The following ALK variants were observed in gnomAD, a reference collection of about 807,000 sequenced individuals.
ALK encodes ALK receptor tyrosine kinase.
ALK carries 74 observed loss-of-function variants against 163.1 expected under a neutral mutation model. That is an observed-to-expected ratio of 0.45 (90% CI 0.38 to 0.55). ALK has a LOEUF of 0.55. ALK is among the 20% of genes least tolerant of loss of function. ALK has a pLI of 0.00. For missense variants in ALK, 2,063 were observed against 2,105.3 expected, an observed-to-expected ratio of 0.98 and a Z score of 0.39; for synonymous variants, 960 against 843.2, an observed-to-expected ratio of 1.14 and a Z score of -2.40.
intron 1 of ALK, among the ~76,000 whole-genome samples, chr2:29,874,891 T>C (rs1288244534): frequency 6.6e-6 from 1 of 152,200 alleles, no homozygotes; most frequent in Non-Finnish European, 1.5e-5. Flanking sequence ...TCCCTACCTG[T>C]ACTCAGCTCT....
At chr2:29,875,707 C>T (rs1282864507) in intron 1 of ALK, among the ~76,000 whole-genome samples, 2 of 152,142 alleles carry the variant, frequency 1.3e-5, no homozygotes, top group Non-Finnish European at 2.9e-5. Flanking sequence ...GCTGTGTTAG[C>T]TTGCTGAGAA....
intron 4 of ALK, among the ~76,000 whole-genome samples, chr2:29,445,107 G>A (rs543091670): frequency 1.3e-5 from 2 of 152,294 alleles, no homozygotes; most frequent in East Asian, 1.9e-4. Context: ...AGCCTCTGCT[G>A]AAAAGGTCCT....
chr2:29,281,631 T>C (rs1253210910), intron 9 of ALK, among the ~76,000 whole-genome samples: 1 of 152,192 alleles, frequency 6.6e-6, no homozygotes, highest in Admixed American at 6.5e-5. Flanking sequence ...CTAGAGATCT[T>C]GGTTGGAGGC....
At chr2:29,491,520 A>G (rs191025271) in intron 4 of ALK, among the ~76,000 whole-genome samples, 59 of 152,328 alleles carry the variant, frequency 3.9e-4, no homozygotes, top group Non-Finnish European at 4.4e-4. Flanking sequence ...TCCCTGATCT[A>G]CTAGACCTGA....
chr2:29,897,353 T>A (rs1388426359), intron 1 of ALK, among the ~76,000 whole-genome samples: 2 of 151,630 alleles, frequency 1.3e-5, no homozygotes, highest in African/African-American at 2.4e-5. Flanking sequence ...AAAAATTAAT[T>A]AATAAATAAA....
Position 29,509,773 on chromosome 2 carries a change from A to G in ALK, c.1154+22142T>C, listed in dbSNP as rs1471101774. Among the ~76,000 whole-genome samples the G allele has an allele frequency of 4.6e-5, 7 of 152,230 alleles. No homozygotes were observed. In the East Asian group the frequency reaches 1.2e-3, roughly 25 times the overall value. ...CCTTTTAGATATGCAATTATAGTGCAGACTTTGGGGACACTGGAGAACCAG... is the reference window on the plus strand; with the variant it reads ...CCTTTTAGATATGCAATTATAGTGCGGACTTTGGGGACACTGGAGAACCAG... On this transcript the variant is annotated intron_variant, in intron 4 of 28. Transcript: ENST00000389048.
intron 1 of ALK, among the ~76,000 whole-genome samples, chr2:29,834,449 T>A (rs1665504425): frequency 6.6e-6 from 1 of 152,162 alleles, no homozygotes; most frequent in African/African-American, 2.4e-5. Context: ...CTAGGGGAAG[T>A]ACCAACTCTA....
intron 1 of ALK, among the ~76,000 whole-genome samples, chr2:29,798,263 A>G (rs1259076234): frequency 6.6e-6 from 1 of 152,226 alleles, no homozygotes; most frequent in Non-Finnish European, 1.5e-5. Flanking sequence ...ATGCTTTATT[A>G]TTAAATTGGT....
At chr2:29,316,898 C>T (rs1030080114) in intron 8 of ALK, among the ~76,000 whole-genome samples, 3 of 152,214 alleles carry the variant, frequency 2.0e-5, no homozygotes, top group East Asian at 1.9e-4. Context: ...TGGCGAATGT[C>T]GAGTTATAAA....
chr2:29,442,808 C>T (rs1362909841), intron 4 of ALK, among the ~76,000 whole-genome samples: 1 of 152,136 alleles, frequency 6.6e-6, no homozygotes, highest in Non-Finnish European at 1.5e-5. Flanking sequence ...TGGACAAGCC[C>T]CTTAAGTTTC....
At chr2:29,642,719 A>AAAAC (rs1676740615) in intron 3 of ALK, among the ~76,000 whole-genome samples, 1 of 152,194 alleles carries the variant, frequency 6.6e-6, no homozygotes, top group Admixed American at 6.5e-5. Context: ...TAAAAAAAGA[A>AAAAC]AAACAGGCAA....
intron 3 of ALK, among the ~76,000 whole-genome samples, chr2:29,660,858 TC>T (rs1677326873): frequency 6.6e-6 from 1 of 151,978 alleles, no homozygotes. Flanking sequence ...TAAACGACCC[TC>T]CCCAATTCTA....
chr2:29,341,608 C>A (rs1215530720), intron 5 of ALK, among the ~76,000 whole-genome samples: 1 of 152,124 alleles, frequency 6.6e-6, no homozygotes, highest in Non-Finnish European at 1.5e-5. Flanking sequence ...GACAACAGAG[C>A]AAGACTCCAT....
intron 3 of ALK, among the ~76,000 whole-genome samples, chr2:29,562,278 G>A (rs1001150312): frequency 4.6e-5 from 7 of 152,178 alleles, no homozygotes; most frequent in South Asian, 2.1e-4. Flanking sequence ...TCCTAGTCCT[G>A]CCATCTGGAC....
chr2:29,441,868 T>C (rs570284851), intron 4 of ALK, among the ~76,000 whole-genome samples: 1 of 152,294 alleles, frequency 6.6e-6, no homozygotes, highest in South Asian at 2.1e-4. Context: ...CTCTGCTGCA[T>C]TCATCTGGCC....
chr2:29,389,243 A>G (rs1303368349), intron 4 of ALK, among the ~76,000 whole-genome samples: 1 of 152,226 alleles, frequency 6.6e-6, no homozygotes, highest in Non-Finnish European at 1.5e-5. Flanking sequence ...ATGGTAGCAT[A>G]CGAGAGGTGA....
At chr2:29,195,327 T>C (rs1668996760) in intron 28 of ALK, among the ~76,000 whole-genome samples, 1 of 152,206 alleles carries the variant, frequency 6.6e-6, no homozygotes, top group Non-Finnish European at 1.5e-5. Context: ...ATAGGAAGTC[T>C]ATAGATAAAA....
intron 13 of ALK, 73 bp from the exon 14 acceptor site, chr2:29,233,769 A>G (rs745584609): frequency 6.9e-6 from 11 of 1,599,788 alleles, no homozygotes; most frequent in Non-Finnish European, 9.4e-6. Flanking sequence ...CAGAACTTCT[A>G]TGCTTAAAAA....
Position 29,896,771 on chromosome 2 carries a change from C to T in ALK, c.667+23222G>A, listed in dbSNP as rs561352450. 2.0e-4 allele frequency among the ~76,000 whole-genome samples: 30 copies of T among 152,220 alleles called. 1 individual carries two copies. The East Asian group carries it at 2.3e-3, about 12-fold the overall frequency. Reference sequence around the variant, plus strand: ...TGTAAGAAGAATAAAATCTCCATCACGCACCTCCACATGATCCCATTGGAC... The same window carrying T: ...TGTAAGAAGAATAAAATCTCCATCATGCACCTCCACATGATCCCATTGGAC... On this transcript the variant is annotated intron_variant, in intron 1 of 28. Transcript: ENST00000389048.
Sources: allele counts gnomAD v4.1 joint callset (sites outside exome capture counted in the v4.1 genomes callset), GRCh38; gene constraint gnomAD v4.1.1; transcripts MANE v1.5; gene names NCBI Gene and HGNC (gene_info 2026-07-23, HGNC 2026-07-21).